ADCY2: variants seen among roughly 807,000 people sequenced by gnomAD.
ADCY2 encodes adenylate cyclase 2, also known as adenylate cyclase type 2.
ADCY2 carries 31 observed loss-of-function variants against 125.2 expected under a neutral mutation model. The ratio of observed to expected loss-of-function variants is 0.25; its 90% confidence interval spans 0.19 to 0.33. The LOEUF is 0.33. Among genes scored for constraint, ADCY2 ranks in the 10% least tolerant of loss-of-function variants. The pLI is 1.00. For missense variants in ADCY2, 904 were observed against 1,418.2 expected, an observed-to-expected ratio of 0.64 and a Z score of 5.82; for synonymous variants, 512 against 548.4, an observed-to-expected ratio of 0.93 and a Z score of 0.93.
intron 3 of ADCY2, among the ~76,000 whole-genome samples, chr5:7,577,426 A>G (rs941024603): frequency 6.6e-6 from 1 of 152,220 alleles, no homozygotes; most frequent in Non-Finnish European, 1.5e-5. Context: ...ACATATGTAT[A>G]TGGGATTTTG....
chr5:7,489,559 C>T (rs576406213), intron 2 of ADCY2, among the ~76,000 whole-genome samples: 13 of 152,162 alleles, frequency 8.5e-5, no homozygotes, highest in Non-Finnish European at 1.3e-4. Context: ...TTCCCCTGCA[C>T]GAGCTCTCTT....
chr5:7,790,940 C>T (rs1012425135), intron 20 of ADCY2, among the ~76,000 whole-genome samples: 15 of 152,004 alleles, frequency 9.9e-5, no homozygotes, highest in Admixed American at 3.9e-4. Flanking sequence ...CTGCTTGAGC[C>T]GAGGGATGAT....
chr5:7,529,488 A>G (rs1734573553), intron 3 of ADCY2, among the ~76,000 whole-genome samples: 1 of 152,186 alleles, frequency 6.6e-6, no homozygotes, highest in Non-Finnish European at 1.5e-5. Flanking sequence ...GAGAGATCCC[A>G]ATGGCCAGAC....
rs544777419 is a variant in ADCY2 at position 7,734,537 on chromosome 5, G to A, written c.1871+7276G>A. Among the ~76,000 whole-genome samples the A allele has an allele frequency of 5.3e-5, 8 of 152,302 alleles. No homozygotes were observed. In the South Asian group the frequency reaches 1.7e-3, roughly 32 times the overall value. ...CTCATGACAGGGAAGACTCGAGGTT[G>A]TTTTTCAGTAAGTACATAATAAGTT... On this transcript the variant is annotated intron_variant, in intron 14 of 24. Transcript: ENST00000338316.
intron 9 of ADCY2, 61 bp downstream of exon 9, chr5:7,707,899 A>G (rs556328407): frequency 1.0e-5 from 16 of 1,562,366 alleles, no homozygotes; most frequent in South Asian, 7.1e-5. Flanking sequence ...ATTGATATTC[A>G]TAAGTGTTTT....
chr5:7,805,181 G>T (rs899500520), intron 22 of ADCY2, among the ~76,000 whole-genome samples: 1 of 151,638 alleles, frequency 6.6e-6, no homozygotes, highest in Non-Finnish European at 1.5e-5. Flanking sequence ...AAATAGCCAG[G>T]TGTGGTAGCA....
chr5:7,707,389 A>G (rs112887364), intron 8 of ADCY2, among the ~76,000 whole-genome samples: 2,424 of 152,310 alleles, frequency 0.016, 56 homozygotes, highest in African/African-American at 0.055. Context: ...ACAGATTAGC[A>G]TACTTCCTAA....
At chr5:7,821,287 A>G (rs1359136968) in intron 24 of ADCY2, among the ~76,000 whole-genome samples, 1 of 152,370 alleles carries the variant, frequency 6.6e-6, no homozygotes, top group South Asian at 2.1e-4. Context: ...TGGTTAAAGT[A>G]ACTATATTAC....
At chr5:7,823,653 T>A (rs991350097) in intron 24 of ADCY2, among the ~76,000 whole-genome samples, 2 of 152,160 alleles carry the variant, frequency 1.3e-5, no homozygotes, top group Non-Finnish European at 2.9e-5. Context: ...GGCCAGCCCA[T>A]GTCCCCAGCA....
Position 7,536,451 on chromosome 5 carries a change from A to G in ADCY2, c.570+15552A>G, listed in dbSNP as rs79394207. Among the ~76,000 whole-genome samples, 359 of 152,310 alleles carry G rather than the reference A, an allele frequency of 2.4e-3. 1 individual carries two copies. Among genetic ancestry groups the G allele is most frequent in the African/African-American group, 8.1e-3 (338 of 41,588 alleles). On this transcript the variant is annotated intron_variant, in intron 3 of 24. Coordinates refer to ENST00000338316, the MANE Select transcript of ADCY2 (RefSeq NM_020546.3). ...ACCACTCGTCACTGTCATCCCCCCC[A>G]CATGCCCCAGAGTCGGTTCAGGAAC...
chr5:7,447,998 A>T (rs1391849344), intron 2 of ADCY2, among the ~76,000 whole-genome samples: 1 of 152,200 alleles, frequency 6.6e-6, no homozygotes, highest in Non-Finnish European at 1.5e-5. Context: ...CACGGTGACC[A>T]GAGGGTGTCC....
intron 3 of ADCY2, among the ~76,000 whole-genome samples, chr5:7,567,929 TTCTCTCTCTCTC>T (rs10590625): frequency 8.2e-5 from 12 of 146,568 alleles, no homozygotes; most frequent in South Asian, 6.8e-4. Flanking sequence ...CGTCCTCTCT[TTCTCTCTCTCTC>T]TCTCTCTCTC....
chr5:7,455,586 AT>A (rs1358642652), intron 2 of ADCY2, among the ~76,000 whole-genome samples: 1 of 149,448 alleles, frequency 6.7e-6, no homozygotes, highest in African/African-American at 2.4e-5. Context: ...TAACATAAAA[AT>A]GTACATATTA....
At chr5:7,805,470 G>C (rs967371522) in intron 22 of ADCY2, among the ~76,000 whole-genome samples, 2 of 152,154 alleles carry the variant, frequency 1.3e-5, no homozygotes, top group African/African-American at 4.8e-5. Context: ...GAGAGAGAGA[G>C]AGAGAGACAG....
At chr5:7,616,293 A>G (rs974187113) in intron 3 of ADCY2, among the ~76,000 whole-genome samples, 7 of 152,220 alleles carry the variant, frequency 4.6e-5, no homozygotes, top group African/African-American at 1.7e-4. Flanking sequence ...AAGCATTTGT[A>G]TGTTCTCATA....
intron 2 of ADCY2, among the ~76,000 whole-genome samples, chr5:7,426,418 T>A (rs954739001): frequency 5.9e-5 from 9 of 152,164 alleles, no homozygotes; most frequent in Non-Finnish European, 1.2e-4. Flanking sequence ...CGAGAATGGC[T>A]CTCTGCTCCC....
At chr5:7,786,642 A>G (rs1430627498) in intron 19 of ADCY2, among the ~76,000 whole-genome samples, 3 of 152,204 alleles carry the variant, frequency 2.0e-5, no homozygotes, top group African/African-American at 7.2e-5. Flanking sequence ...TTTATGACAG[A>G]TGTGTTAACC....
intron 3 of ADCY2, among the ~76,000 whole-genome samples, chr5:7,558,475 G>A (rs1735605629): frequency 6.6e-6 from 1 of 152,134 alleles, no homozygotes. Context: ...TTGGCTGCAT[G>A]TATATCTTCT....
At chr5:7,514,417 C>T (rs368270873) in intron 2 of ADCY2, among the ~76,000 whole-genome samples, 1 of 152,170 alleles carries the variant, frequency 6.6e-6, no homozygotes, top group East Asian at 1.9e-4. Flanking sequence ...TTGTAAGTAA[C>T]CTTGATATTA....
Sources: gnomAD v4.1 joint callset for allele counts (sites outside exome capture counted in the v4.1 genomes callset) on GRCh38, gnomAD v4.1.1 for gene constraint, MANE v1.5 for transcripts, NCBI Gene and HGNC (gene_info 2026-07-23, HGNC 2026-07-21) for gene names.